ASCC3: variants seen among roughly 807,000 people sequenced by gnomAD.
The protein encoded by ASCC3 is ASC-1 complex subunit P200.
In ASCC3, 158 loss-of-function variants were observed where a neutral mutation model predicts 256.3. The ratio of observed to expected loss-of-function variants is 0.62; its 90% CI spans 0.54 to 0.70. The LOEUF (loss-of-function observed/expected upper bound fraction) is 0.70. Among genes scored for constraint, ASCC3 ranks in the 30% least tolerant of loss-of-function variants. The pLI is 0.00. For missense variants in ASCC3, 2,259 were observed against 2,626.0 expected (o/e 0.86, Z 3.05); for synonymous variants, 948 against 883.4 (o/e 1.07, Z -1.30).
rs1769754034 is a variant in ASCC3, at chr6:100,798,688, CA to C, written c.1395+24del. On this transcript the variant is annotated intron_variant, in intron 8 of 41. Coordinates refer to ENST00000369162, the MANE Select transcript of ASCC3 (RefSeq NM_006828.4). ...ACCGCATACCAAGCCTCAAAACTAT[CA>C]ACTCTATAAAAGGCTCATCTCACCT... 1.9e-6 allele frequency: 3 copies of C among 1,610,812 alleles called. No homozygotes were observed. In the African/African-American group the frequency reaches 4.0e-5, roughly 21 times the overall value.
At chr6:100,556,456 C>T (rs1477829583) in intron 36 of ASCC3, among the ~76,000 whole-genome samples, 2 of 151,986 alleles carry the variant, frequency 1.3e-5, no homozygotes, top group Non-Finnish European at 2.9e-5. Flanking sequence ...ATACATTGTC[C>T]AGGTGGGAAT....
At chr6:100,721,092 G>GTACA (rs1184018295) in intron 11 of ASCC3, among the ~76,000 whole-genome samples, 1 of 151,084 alleles carries the variant, frequency 6.6e-6, no homozygotes, top group African/African-American at 2.4e-5. Flanking sequence ...ATGTGTCTTT[G>GTACA]TACATACATA....
rs1280300610 is a variant in ASCC3, at chr6:100,723,927, A to AAT, written c.1902+1610_1902+1611dup. On this transcript the variant is annotated intron_variant, in intron 11 of 41. Coordinates refer to ENST00000369162, the MANE Select transcript of ASCC3 (RefSeq NM_006828.4). ...AATTATATATATGACACATATATAT[A>AAT]ATATATATATATACACACACACATG... 2.9e-3 allele frequency among the ~76,000 whole-genome samples: 414 copies of AAT among 140,782 alleles called. 4 individuals carry two copies. The highest frequency in any genetic ancestry group is 4.9e-3 in the Non-Finnish European group (317 of 65,140). The allele number at this position is 140,782 out of a possible 152,430, so 92.4% of individuals were successfully genotyped here. A position where few individuals can be genotyped will look rare whatever the true frequency, so the allele number is the denominator to read the frequency against.
At chr6:100,680,928 C>G (rs1254857793) in intron 13 of ASCC3, among the ~76,000 whole-genome samples, 1 of 152,086 alleles carries the variant, frequency 6.6e-6, no homozygotes, top group Non-Finnish European at 1.5e-5. Flanking sequence ...CTCATGTGAG[C>G]TGACCTAAGT....
At chr6:100,518,651 T>C (rs1774153683) in intron 37 of ASCC3, among the ~76,000 whole-genome samples, 1 of 152,070 alleles carries the variant, frequency 6.6e-6, no homozygotes, top group South Asian at 2.1e-4. Context: ...CACCACACAC[T>C]AGCAAAGGGG....
intron 14 of ASCC3, among the ~76,000 whole-genome samples, chr6:100,667,844 T>C (rs1776559847): frequency 6.6e-6 from 1 of 151,900 alleles, no homozygotes; most frequent in Non-Finnish European, 1.5e-5. Context: ...GCTTTTCTTC[T>C]AAATAAATGG....
At chr6:100,804,618 T>C (rs760883469) in intron 5 of ASCC3, among the ~76,000 whole-genome samples, 1 of 152,116 alleles carries the variant, frequency 6.6e-6, no homozygotes, top group Non-Finnish European at 1.5e-5. Flanking sequence ...TAACAGACAC[T>C]TCTCAATAAA....
At chr6:100,628,472 G>T (rs551497616) in intron 27 of ASCC3, among the ~76,000 whole-genome samples, 7 of 152,238 alleles carry the variant, frequency 4.6e-5, no homozygotes, top group African/African-American at 1.7e-4. Flanking sequence ...TAGGATCATG[G>T]GGGCTGTTTC....
chr6:100,787,286 TTAAAA>T (rs1769130614), intron 8 of ASCC3, among the ~76,000 whole-genome samples: 1 of 152,054 alleles, frequency 6.6e-6, no homozygotes, highest in African/African-American at 2.4e-5. Context: ...TGAAAGAGTT[TTAAAA>T]TAATACCAGA....
At chr6:100,662,306 A>T in intron 15 of ASCC3, 39 bp downstream of exon 15, 3 of 1,594,998 alleles carry the variant, frequency 1.9e-6, no homozygotes, top group Non-Finnish European at 2.6e-6. Context: ...GCTTTAAGAC[A>T]CACACAAAAT....
At chr6:100,665,586 A>AC (rs1247395776) in intron 14 of ASCC3, among the ~76,000 whole-genome samples, 3 of 151,832 alleles carry the variant, frequency 2.0e-5, no homozygotes, top group Non-Finnish European at 4.4e-5. Context: ...ACAAACAAAA[A>AC]AAAAATAGCC....
At position 100,644,513 on chromosome 6, in the gene ASCC3, C is replaced by T. The variant is rs141745931; in HGVS notation, c.3634-384G>A. ...ATCTATGTTTTAGCATGCATCAATG[C>T]TTTCATTCCTTTTTATTGTCTAATA... is the stretch of plus-strand genomic sequence containing the variant. On this transcript the variant is annotated intron_variant, in intron 22 of 41. Transcript: ENST00000369162. Among the ~76,000 whole-genome samples, 160 of 152,226 alleles carry T rather than the reference C, an allele frequency of 1.1e-3. 1 individual carries two copies. In the East Asian group the frequency reaches 0.029, roughly 28 times the overall value.
intron 34 of ASCC3, among the ~76,000 whole-genome samples, chr6:100,594,132 A>G (rs1409840398): frequency 6.6e-6 from 1 of 152,114 alleles, no homozygotes; most frequent in East Asian, 1.9e-4. Context: ...AGGACTTCAT[A>G]GTAGTATGAT....
intron 25 of ASCC3, among the ~76,000 whole-genome samples, chr6:100,635,053 T>C (rs1157644196): frequency 1.3e-5 from 2 of 152,086 alleles, no homozygotes; most frequent in East Asian, 1.9e-4. Context: ...CTTTTGGGTA[T>C]ATATCCAAAG....
At chr6:100,876,479 A>C (rs1389265913) in intron 1 of ASCC3, among the ~76,000 whole-genome samples, 5 of 152,232 alleles carry the variant, frequency 3.3e-5, no homozygotes, top group African/African-American at 1.2e-4. Flanking sequence ...TGTAACACAG[A>C]GGCAGTGGGA....
rs74504384 is a variant in ASCC3 at position 100,521,533 on chromosome 6, A to G, written c.5776-3391T>C. ...GGCATGAAATGTATGGGTAGAAGACATGAACAGAAACATGTTCTAATTGAT... is the reference window on the plus strand; with the variant it reads ...GGCATGAAATGTATGGGTAGAAGACGTGAACAGAAACATGTTCTAATTGAT... On this transcript the variant is annotated intron_variant, in intron 37 of 41. Transcript: ENST00000369162. Among the ~76,000 whole-genome samples the G allele has an allele frequency of 0.014, 2,119 of 152,326 alleles. 83 individuals are homozygous for G. The East Asian group carries it at 0.14, about 10-fold the overall frequency.
intron 8 of ASCC3, among the ~76,000 whole-genome samples, chr6:100,770,063 A>T (rs1485368080): frequency 6.6e-6 from 1 of 151,956 alleles, no homozygotes; most frequent in Non-Finnish European, 1.5e-5. Context: ...TTTCAAAAAA[A>T]ATGTAAAAAA....
intron 24 of ASCC3, among the ~76,000 whole-genome samples, chr6:100,639,259 T>C (rs1774995265): frequency 6.6e-6 from 1 of 152,168 alleles, no homozygotes; most frequent in African/African-American, 2.4e-5. Flanking sequence ...GAGTTAACTA[T>C]TGTTGTCAAT....
At chr6:100,715,272 T>A in intron 13 of ASCC3, 190 bp downstream of exon 13, 1 of 560,718 alleles carries the variant, frequency 1.8e-6, no homozygotes, top group Non-Finnish European at 3.1e-6. Flanking sequence ...ACTGGGATGA[T>A]AATATCTATG....
Sources: allele counts gnomAD v4.1 joint callset (sites outside exome capture counted in the v4.1 genomes callset), GRCh38; gene constraint gnomAD v4.1.1; transcripts MANE v1.5; gene names NCBI Gene and HGNC (gene_info 2026-07-23, HGNC 2026-07-21).